The following ZNF407 variants were observed in gnomAD, a reference collection of about 807,000 sequenced individuals.
ZNF407 encodes zinc finger protein 407.
Under a neutral mutation model 131.2 loss-of-function variants are expected in ZNF407, and 17 were observed. The observed-to-expected ratio is 0.13, with a 90% CI of 0.09 to 0.19. The LOEUF is 0.19. ZNF407 is among the 10% of genes least tolerant of loss of function. The probability of loss-of-function intolerance (pLI) is 1.00; values close to 1 mark genes in which losing one functional copy is unlikely to be tolerated. For synonymous variants in ZNF407, 1,156 were observed against 1,062.0 expected (o/e 1.09, Z -1.72); for missense variants, 2,681 against 2,830.6 (o/e 0.95, Z 1.20).
intron 7 of ZNF407, 68 bp downstream of exon 7, chr18:74,890,106 C>A: frequency 7.3e-7 from 1 of 1,374,384 alleles, no homozygotes; most frequent in East Asian, 2.9e-5. Context: ...CCGTTAAATC[C>A]CAATTAGAAG....
In ZNF407 at chr18:74,632,860, A is replaced by AT; in HGVS notation, c.1845dup (p.Leu616SerfsTer6). The stretch of plus-strand genomic sequence containing the variant: ...CACATGAAGGAAAAGCACAATATGC[A>AT]TTTTCTTTGCACCCCTTGTAATCTG... On this transcript the variant is annotated frameshift_variant, in exon 2 of 9. Coordinates refer to ENST00000299687, the MANE Select transcript of ZNF407 (RefSeq NM_017757.3). LOFTEE classifies it high-confidence loss of function. 1 of 1,613,594 alleles carries AT rather than the reference A, an allele frequency of 6.2e-7. No homozygotes were observed. The highest frequency in any genetic ancestry group is 8.5e-7 in the Non-Finnish European group (1 of 1,179,894).
chr18:74,877,142 C>T, intron 4 of ZNF407, 55 bp from the exon 5 acceptor site: 2 of 1,557,826 alleles, frequency 1.3e-6, no homozygotes, highest in Non-Finnish European at 1.8e-6. Context: ...TGCCTGGGGC[C>T]TTCGGTGCTG....
At chr18:74,762,447 A>G (rs1232404770) in intron 3 of ZNF407, among the ~76,000 whole-genome samples, 1 of 152,126 alleles carries the variant, frequency 6.6e-6, no homozygotes, top group Non-Finnish European at 1.5e-5. Flanking sequence ...CATATTTGAA[A>G]TGTATGATTT....
intron 3 of ZNF407, among the ~76,000 whole-genome samples, chr18:74,774,502 C>T (rs1969427870): frequency 6.6e-6 from 1 of 152,148 alleles, no homozygotes; most frequent in African/African-American, 2.4e-5. Context: ...GAATGTGAAC[C>T]TGACGTTACT....
intron 1 of ZNF407, among the ~76,000 whole-genome samples, chr18:74,615,836 G>T (rs1299510704): frequency 6.6e-6 from 1 of 151,972 alleles, no homozygotes; most frequent in African/African-American, 2.4e-5. Context: ...TCTGTGAAAG[G>T]TTGCCAGCAA....
intron 8 of ZNF407, among the ~76,000 whole-genome samples, chr18:74,958,524 G>C (rs573388722): frequency 1.3e-5 from 2 of 152,032 alleles, no homozygotes; most frequent in African/African-American, 4.8e-5. Context: ...GCACACACCT[G>C]AGCTGCATTG....
chr18:74,635,124 G>T lies in ZNF407; in HGVS notation c.4105G>T (p.Gly1369Cys), dbSNP rs775033587. 1.2e-6 allele frequency: 2 copies of T among 1,613,952 alleles called. No homozygotes were observed. Among genetic ancestry groups the T allele is most frequent in the East Asian group, 2.2e-5 (1 of 44,882 alleles). ...AATAAGAATAAAGAACCCTGAAGAT[G>T]GTGAGTTGATAGACCAGTCTGAAGA... ...SIIRIKNPED[G>C]ELIDQSEEGL... Residue 1369 changes from glycine to cysteine, a missense_variant, in exon 2 of 9, where the codon GGT becomes TGT. Physicochemically the swap from Gly to Cys is radical, Grantham distance 159. Transcript: ENST00000299687. The surrounding 1 kb of genome is among the most constrained non-coding windows in gnomAD (Gnocchi z 4.7).
rs1397916976 is a variant in ZNF407, at chr18:74,635,154, T to C, written c.4135T>C (p.Leu1379=). 3.7e-6 allele frequency: 6 copies of C among 1,614,020 alleles called. 1 individual carries two copies. The South Asian group carries it at 6.6e-5, about 18-fold the overall frequency. Residue 1379 remains leucine (L), a synonymous_variant, in exon 2 of 9, where the codon TTG becomes CTG. Transcript: ENST00000299687. The surrounding 1 kb of genome is among the most constrained non-coding windows in gnomAD (Gnocchi z 4.7). The part of the protein sequence containing the change: ...GELIDQSEEG[L]IATGVRISEL... ...GTTGATAGACCAGTCTGAAGAGGGCTTGATAGCAACGGGAGTGAGAATTAG... is the reference window on the plus strand; with the variant it reads ...GTTGATAGACCAGTCTGAAGAGGGCCTGATAGCAACGGGAGTGAGAATTAG...
At chr18:74,740,490 A>G (rs1968523942) in intron 3 of ZNF407, among the ~76,000 whole-genome samples, 1 of 152,190 alleles carries the variant, frequency 6.6e-6, no homozygotes, top group African/African-American at 2.4e-5. Context: ...CACATGTTAC[A>G]TCTGTCTGCC....
intron 6 of ZNF407, among the ~76,000 whole-genome samples, chr18:74,883,962 G>T (rs984306313): frequency 6.6e-6 from 1 of 152,162 alleles, no homozygotes; most frequent in Non-Finnish European, 1.5e-5. Flanking sequence ...CACATGTACA[G>T]GTAGCCCTGT....
chr18:74,747,416 G>T (rs1326619469), intron 3 of ZNF407, among the ~76,000 whole-genome samples: 2 of 151,918 alleles, frequency 1.3e-5, no homozygotes, highest in Non-Finnish European at 2.9e-5. Context: ...TCCTCATAAT[G>T]ACTTGACTTG....
intron 4 of ZNF407, among the ~76,000 whole-genome samples, chr18:74,793,044 T>G (rs1969855023): frequency 6.6e-6 from 1 of 152,242 alleles, no homozygotes; most frequent in South Asian, 2.1e-4. Context: ...CTTAAATTTC[T>G]GTAAAGTATT....
At chr18:74,893,340 A>G (rs940668180) in intron 7 of ZNF407, among the ~76,000 whole-genome samples, 6 of 152,340 alleles carry the variant, frequency 3.9e-5, no homozygotes, top group African/African-American at 1.2e-4. Flanking sequence ...AAACTTCGGA[A>G]TAATTTGATT....
At chr18:74,686,513 G>T (rs955670462) in intron 3 of ZNF407, among the ~76,000 whole-genome samples, 1 of 152,000 alleles carries the variant, frequency 6.6e-6, no homozygotes, top group African/African-American at 2.4e-5. Flanking sequence ...TCCTCTGTTC[G>T]CTCCCTGATC....
At chr18:75,054,599 A>C (rs1407474436) in intron 8 of ZNF407, among the ~76,000 whole-genome samples, 4 of 152,238 alleles carry the variant, frequency 2.6e-5, no homozygotes, top group Admixed American at 2.6e-4. Flanking sequence ...TTTACCTTTT[A>C]AGGTATGTAT....
At chr18:74,969,626 G>A (rs924156023) in intron 8 of ZNF407, among the ~76,000 whole-genome samples, 8 of 152,198 alleles carry the variant, frequency 5.3e-5, no homozygotes, top group African/African-American at 1.7e-4. Flanking sequence ...GGATGTAGTG[G>A]AGTCCCTGGC....
At chr18:74,794,364 T>C (rs1434557704) in intron 4 of ZNF407, among the ~76,000 whole-genome samples, 1 of 152,172 alleles carries the variant, frequency 6.6e-6, no homozygotes, top group African/African-American at 2.4e-5. Flanking sequence ...ATAGTTTTAT[T>C]AATGATCTTA....
intron 8 of ZNF407, among the ~76,000 whole-genome samples, chr18:74,959,131 A>G (rs555724913): frequency 6.6e-6 from 1 of 152,316 alleles, no homozygotes; most frequent in South Asian, 2.1e-4. Flanking sequence ...TGTAACCTCA[A>G]AGAGAGTCTT....
In ZNF407 at chr18:74,795,273, G is replaced by GT. The variant is rs559905111; in HGVS notation, c.4877+13774dup. ...AAAATAAACTTGCATATATAGCATA[G>GT]TTTATCTGAAGCCAAATTAATTTAG... On this transcript the variant is annotated intron_variant, in intron 4 of 8. Transcript: ENST00000299687. 3.7e-3 allele frequency among the ~76,000 whole-genome samples: 566 copies of GT among 152,248 alleles called. 1 individual carries two copies. Among genetic ancestry groups the GT allele is most frequent in the Non-Finnish European group, 4.5e-3 (303 of 67,992 alleles).
Sources: allele counts gnomAD v4.1 joint callset (sites outside exome capture counted in the v4.1 genomes callset), GRCh38; gene constraint gnomAD v4.1.1; non-coding constraint Gnocchi (gnomAD v3.1); transcripts MANE v1.5; gene names NCBI Gene and HGNC (gene_info 2026-07-23, HGNC 2026-07-21).